MAP7: variants seen among roughly 807,000 people sequenced by gnomAD.
MAP7 encodes microtubule associated protein 7, also known as ensconsin.
MAP7 carries 52 observed loss-of-function variants against 94.8 expected under a neutral mutation model. The observed-to-expected ratio is 0.55, with a 90% CI of 0.44 to 0.69. The LOEUF is 0.69. Among genes scored for constraint, MAP7 ranks in the 30% least tolerant of loss-of-function variants. The probability of loss-of-function intolerance (pLI) is 0.00; values close to 1 mark genes in which losing one functional copy is unlikely to be tolerated. For missense variants in MAP7, 940 were observed against 964.6 expected, an observed-to-expected ratio of 0.97 and a Z score of 0.34; for synonymous variants, 350 against 357.0, an observed-to-expected ratio of 0.98 and a Z score of 0.22.
At chr6:136,369,955 A>C (rs1008464068) in intron 8 of MAP7, among the ~76,000 whole-genome samples, 1 of 152,220 alleles carries the variant, frequency 6.6e-6, no homozygotes, top group Non-Finnish European at 1.5e-5. Context: ...AAACACTTCT[A>C]TATATCAAAG....
chr6:136,523,306 C>T (rs975825779), intron 1 of MAP7, among the ~76,000 whole-genome samples: 14 of 152,152 alleles, frequency 9.2e-5, no homozygotes, highest in Non-Finnish European at 1.8e-4. Flanking sequence ...TAAGGACGAA[C>T]GAACCAGAGA....
chr6:136,396,278 G>A (rs554900529), intron 3 of MAP7, among the ~76,000 whole-genome samples: 29 of 151,740 alleles, frequency 1.9e-4, no homozygotes, highest in Non-Finnish European at 3.1e-4. Context: ...TACCTCCTTC[G>A]TTACATTTAT....
chr6:136,472,634 C>A (rs924433769), intron 1 of MAP7, among the ~76,000 whole-genome samples: 1 of 152,078 alleles, frequency 6.6e-6, no homozygotes, highest in Admixed American at 6.5e-5. Context: ...AGTAATGCCA[C>A]AATGAAACTG....
intron 6 of MAP7, among the ~76,000 whole-genome samples, chr6:136,381,645 C>T (rs1201469690): frequency 6.6e-6 from 1 of 152,028 alleles, no homozygotes; most frequent in Non-Finnish European, 1.5e-5. Context: ...CTGACCTGGC[C>T]TGCTAGACCA....
chr6:136,476,743 C>T (rs890947627), intron 1 of MAP7, among the ~76,000 whole-genome samples: 6 of 152,028 alleles, frequency 3.9e-5, no homozygotes, highest in Admixed American at 6.6e-5. Context: ...TGTATGCATA[C>T]ATTTTAGGTG....
At chr6:136,493,236 C>G (rs1037439396) in intron 1 of MAP7, among the ~76,000 whole-genome samples, 1 of 151,022 alleles carries the variant, frequency 6.6e-6, no homozygotes, top group Non-Finnish European at 1.5e-5. Flanking sequence ...GATTCTCCTG[C>G]CTCAGCCTCC....
chr6:136,448,170 C>T (rs939039980), intron 1 of MAP7, among the ~76,000 whole-genome samples: 9 of 151,790 alleles, frequency 5.9e-5, no homozygotes, highest in Non-Finnish European at 7.4e-5. Context: ...CCAGCCTGGC[C>T]GACACAGCGA....
chr6:136,362,686 G>C lies in MAP7; in HGVS notation c.1290C>G (p.Ala430=), dbSNP rs755674882. Residue 430 remains alanine (A), a synonymous_variant, in exon 11 of 18, where the codon GCC becomes GCG. Coordinates refer to ENST00000354570, the MANE Select transcript of MAP7 (RefSeq NM_003980.6). ...PEVGPAAPAM[A]PAPASAPAPA... The stretch of plus-strand genomic sequence containing the variant: ...GAGCTGGGGCCGAGGCTGGAGCTGG[G>C]GCCATGGCTGGAGCAGCTGCACAAA... 2 of 1,598,038 alleles carry C rather than the reference G, an allele frequency of 1.3e-6. No individual in the cohort carries two copies. The highest frequency in any genetic ancestry group is 1.7e-5 in the Admixed American group (1 of 57,638).
chr6:136,411,010 G>C (rs924034910), intron 3 of MAP7, among the ~76,000 whole-genome samples: 1 of 152,194 alleles, frequency 6.6e-6, no homozygotes, highest in African/African-American at 2.4e-5. Flanking sequence ...AGTAAAGGAG[G>C]GGTTGGCACC....
At chr6:136,391,702 A>AT (rs1780820081) in intron 3 of MAP7, among the ~76,000 whole-genome samples, 1 of 152,182 alleles carries the variant, frequency 6.6e-6, no homozygotes, top group Non-Finnish European at 1.5e-5. Context: ...AGTATACACA[A>AT]TAAGTATTTA....
At chr6:136,489,880 C>A (rs1472640565) in intron 1 of MAP7, among the ~76,000 whole-genome samples, 2 of 152,080 alleles carry the variant, frequency 1.3e-5, no homozygotes, top group South Asian at 2.1e-4. Context: ...GGAGACAAAT[C>A]CCCATGGCAG....
At chr6:136,344,896 C>CTGAT (rs1376908279) in intron 17 of MAP7, among the ~76,000 whole-genome samples, 1 of 152,208 alleles carries the variant, frequency 6.6e-6, no homozygotes, top group Admixed American at 6.5e-5. Flanking sequence ...TACAGATTCA[C>CTGAT]TGATTGAATC....
intron 16 of MAP7, among the ~76,000 whole-genome samples, chr6:136,351,004 C>A (rs182730486): frequency 6.6e-6 from 1 of 152,102 alleles, no homozygotes; most frequent in East Asian, 1.9e-4. Flanking sequence ...TTTAAGTATG[C>A]AGATAATGTT....
At position 136,365,911 on chromosome 6, in the gene MAP7, G is replaced by A; in HGVS notation, c.1097C>T (p.Pro366Leu). Reference protein sequence around the residue: ...AAPAQVRPPSPGNIRPVKREV... With the variant: ...AAPAQVRPPSLGNIRPVKREV... ...CCTCTTGACAGGGCGGATGTTGCCG[G>A]GGGATGGGGGCCGGACCTGAGCAGG... is the stretch of plus-strand genomic sequence containing the variant. The change falls in exon 10 of 18, where the codon CCC becomes CTC. Residue 366 changes from proline (P) to leucine (L), a missense_variant. Pro to Leu is a moderately conservative substitution (Grantham distance 98, BLOSUM62 -3). Transcript: ENST00000354570. 1 of 1,614,170 alleles carries A rather than the reference G, an allele frequency of 6.2e-7. No homozygotes were observed. Among genetic ancestry groups the A allele is most frequent in the Non-Finnish European group, 8.5e-7 (1 of 1,180,044 alleles).
At chr6:136,421,947 G>A in intron 1 of MAP7, 148 bp from the exon 2 acceptor site, 1 of 609,472 alleles carries the variant, frequency 1.6e-6, no homozygotes, top group Non-Finnish European at 2.8e-6. Flanking sequence ...GTTACAACCT[G>A]TGCCCTCAAG....
chr6:136,413,690 C>T (rs573017887), intron 2 of MAP7, among the ~76,000 whole-genome samples: 3 of 152,074 alleles, frequency 2.0e-5, no homozygotes, highest in Non-Finnish European at 4.4e-5. Context: ...TGGCTTACTG[C>T]AGCCTTGACC....
intron 3 of MAP7, among the ~76,000 whole-genome samples, chr6:136,394,209 T>C (rs1436255033): frequency 2.0e-5 from 3 of 152,036 alleles, no homozygotes; most frequent in Non-Finnish European, 2.9e-5. Context: ...GGTCTCGATC[T>C]CCTGACCTCG....
intron 1 of MAP7, among the ~76,000 whole-genome samples, chr6:136,523,190 C>T (rs1178832652): frequency 1.3e-5 from 2 of 152,146 alleles, no homozygotes; most frequent in Non-Finnish European, 2.9e-5. Flanking sequence ...GTCTACACAT[C>T]CAGGTTTCTG....
At chr6:136,534,654 C>T (rs1417166944) in intron 1 of MAP7, among the ~76,000 whole-genome samples, 2 of 152,182 alleles carry the variant, frequency 1.3e-5, no homozygotes, top group Non-Finnish European at 2.9e-5. Context: ...TTTTCCAATA[C>T]TGTAATGCTC....
Sources: allele counts gnomAD v4.1 joint callset (sites outside exome capture counted in the v4.1 genomes callset), GRCh38; gene constraint gnomAD v4.1.1; transcripts MANE v1.5; gene names NCBI Gene and HGNC (gene_info 2026-07-23, HGNC 2026-07-21).